Variants in ZBBX observed in about 807,000 individuals in gnomAD.
ZBBX encodes zinc finger B-box domain containing.
A neutral mutation model predicts 108.5 loss-of-function variants in ZBBX; 101 were observed. The ratio of observed to expected loss-of-function variants is 0.93; its 90% confidence interval spans 0.79 to 1.10. The LOEUF (loss-of-function observed/expected upper bound fraction) is 1.10, where lower values mean the gene tolerates loss of function less well. Among genes scored for constraint, ZBBX ranks in the 50% least tolerant of loss-of-function variants. The pLI is 0.00. For missense variants in ZBBX, 1,009 were observed against 941.4 expected (o/e 1.07, Z -0.94); for synonymous variants, 356 against 323.4 (o/e 1.10, Z -1.08).
chr3:167,365,313 T>C (rs1398847446), intron 6 of ZBBX, among the ~76,000 whole-genome samples: 1 of 151,748 alleles, frequency 6.6e-6, no homozygotes, highest in African/African-American at 2.4e-5. Context: ...AGAAGCAAAA[T>C]TGTTTTCTTT....
At chr3:167,179,528 T>C in the ZBBX span, among the ~76,000 whole-genome samples, 1 of 152,202 alleles carries the variant, frequency 6.6e-6, no homozygotes, top group Non-Finnish European at 1.5e-5. Flanking sequence ...TGTTTGCAAT[T>C]GGGTAAATAA....
At chr3:167,218,022 C>G in the ZBBX span, among the ~76,000 whole-genome samples, 1 of 151,932 alleles carries the variant, frequency 6.6e-6, no homozygotes, top group Admixed American at 6.6e-5. Context: ...GGATTACAGG[C>G]ATGAGCCACC....
chr3:167,318,625 A>G (rs1357509679), intron 12 of ZBBX, among the ~76,000 whole-genome samples: 1 of 151,996 alleles, frequency 6.6e-6, no homozygotes, highest in Non-Finnish European at 1.5e-5. Context: ...TTGGAATTAC[A>G]TTTATATGCC....
At chr3:167,232,106 T>C in the ZBBX span, among the ~76,000 whole-genome samples, 1 of 151,812 alleles carries the variant, frequency 6.6e-6, no homozygotes, top group African/African-American at 2.4e-5. Context: ...CTTTAATTCA[T>C]GAAAAGATGG....
intron 9 of ZBBX, among the ~76,000 whole-genome samples, 186 bp downstream of exon 9, chr3:167,350,234 A>G (rs1290652495): frequency 1.3e-5 from 2 of 152,072 alleles, no homozygotes; most frequent in African/African-American, 4.8e-5. Flanking sequence ...AAATAGTAAA[A>G]TAGAGTCTAG....
chr3:167,223,462 T>G, the ZBBX span, among the ~76,000 whole-genome samples: 1 of 151,984 alleles, frequency 6.6e-6, no homozygotes, highest in African/African-American at 2.4e-5. Context: ...AGGGATTTTG[T>G]GTCAGAGTCT....
At chr3:167,375,693 TA>T (rs1176944660) in intron 2 of ZBBX, among the ~76,000 whole-genome samples, 2 of 151,950 alleles carry the variant, frequency 1.3e-5, no homozygotes, top group Non-Finnish European at 2.9e-5. Flanking sequence ...TAGGAGCAAC[TA>T]TTTTTTTTTC....
chr3:167,360,261 T>C (rs976787026), intron 7 of ZBBX, among the ~76,000 whole-genome samples: 1 of 150,364 alleles, frequency 6.7e-6, no homozygotes, highest in Non-Finnish European at 1.5e-5. Flanking sequence ...GGAATTATTA[T>C]AAATTCAAAT....
At position 167,283,105 on chromosome 3, in the gene ZBBX, C is replaced by T. The variant is rs894679727; in HGVS notation, c.1997-610G>A. On this transcript the variant is annotated intron_variant, in intron 19 of 21. Transcript: ENST00000675490. ...AGCTCACTCTCTTCTGGAAAAGTTC[C>T]AGAAGCACCGATCTAAATTAGGTTA... Among the ~76,000 whole-genome samples the T allele has an allele frequency of 7.9e-5, 12 of 152,104 alleles. No individual in the cohort carries two copies. In the South Asian group the frequency reaches 1.7e-3, roughly 21 times the overall value.
chr3:167,334,068 T>C (rs1739133417), intron 9 of ZBBX, 83 bp from the exon 10 acceptor site: 1 of 879,870 alleles, frequency 1.1e-6, no homozygotes, highest in Non-Finnish European at 1.6e-6. Flanking sequence ...ATTTGTGTTA[T>C]TCTATGACTC....
intron 18 of ZBBX, among the ~76,000 whole-genome samples, chr3:167,291,676 T>A (rs1455912196): frequency 6.6e-6 from 1 of 152,150 alleles, no homozygotes; most frequent in Admixed American, 6.5e-5. Context: ...GCTAGCATCA[T>A]AATGGCAGGA....
chr3:167,207,945 C>T, the ZBBX span, among the ~76,000 whole-genome samples: 1 of 152,278 alleles, frequency 6.6e-6, no homozygotes, highest in East Asian at 1.9e-4. Context: ...GAATTGCCTA[C>T]ACCACCCCTC....
chr3:167,348,638 A>T (rs1006118400), intron 9 of ZBBX, among the ~76,000 whole-genome samples: 2 of 152,110 alleles, frequency 1.3e-5, no homozygotes, highest in Admixed American at 6.6e-5. Flanking sequence ...TTATGGCTCA[A>T]TAAAGATAGA....
At chr3:167,329,216 C>T (rs1446682477) in intron 10 of ZBBX, among the ~76,000 whole-genome samples, 2 of 152,104 alleles carry the variant, frequency 1.3e-5, no homozygotes, top group East Asian at 3.8e-4. Flanking sequence ...AGAGAACAGC[C>T]ACATTAGGAA....
intron 20 of ZBBX, among the ~76,000 whole-genome samples, chr3:167,265,947 C>A (rs1020469631): frequency 2.0e-5 from 3 of 152,170 alleles, no homozygotes; most frequent in Non-Finnish European, 2.9e-5. Flanking sequence ...TCTCCACACT[C>A]CAGGGTTGCT....
At chr3:167,400,989 T>C (rs1331830347) in intron 1 of ZBBX, among the ~76,000 whole-genome samples, 2 of 152,148 alleles carry the variant, frequency 1.3e-5, no homozygotes, top group African/African-American at 4.8e-5. Context: ...CTTTTCCCTT[T>C]AGCTTAGTGA....
At chr3:167,276,515 A>G (rs1727611643) in intron 20 of ZBBX, among the ~76,000 whole-genome samples, 2 of 152,288 alleles carry the variant, frequency 1.3e-5, no homozygotes, top group East Asian at 1.9e-4. Context: ...TGAAATGAAT[A>G]AAATGAAGTG....
the ZBBX span, among the ~76,000 whole-genome samples, chr3:167,193,683 A>T: frequency 4.8e-3 from 728 of 152,166 alleles, 4 homozygotes; most frequent in African/African-American, 0.017. Flanking sequence ...TCTCATGTTT[A>T]TTGCAGCACT....
chr3:167,380,425 G>A (rs1747622310), upstream of ZBBX: 1 of 152,132 alleles, frequency 6.6e-6, no homozygotes, highest in Non-Finnish European at 1.5e-5. Context: ...GAGAGAGAAT[G>A]GTGATCACAG....
Sources: gnomAD v4.1 joint callset for allele counts (sites outside exome capture counted in the v4.1 genomes callset) on GRCh38, gnomAD v4.1.1 for gene constraint, MANE v1.5 for transcripts, NCBI Gene and HGNC (gene_info 2026-07-23, HGNC 2026-07-21) for gene names.